Variants in IQCJ observed in about 807,000 individuals in gnomAD.
The protein encoded by IQCJ is IQ motif containing J.
IQCJ carries 9 observed loss-of-function variants against 11.0 expected under a neutral mutation model. That is an observed-to-expected ratio of 0.82 (90% CI 0.49 to 1.43). The LOEUF is 1.43. IQCJ is among the 40% of genes most tolerant of loss of function. The pLI, the probability that IQCJ is intolerant of heterozygous loss-of-function variation, is 0.00. For missense variants in IQCJ, 146 were observed against 133.2 expected, an observed-to-expected ratio of 1.10 and a Z score of -0.47; for synonymous variants, 55 against 51.3, an observed-to-expected ratio of 1.07 and a Z score of -0.31.
intron 1 of IQCJ, among the ~76,000 whole-genome samples, chr3:159,085,333 T>G (rs1055667631): frequency 1.2e-4 from 18 of 151,826 alleles, no homozygotes; most frequent in Admixed American, 3.9e-4. Context: ...GACATTTGGG[T>G]TGGTTCCAAG....
At chr3:159,207,638 G>T (rs1035893081) in intron 1 of IQCJ, among the ~76,000 whole-genome samples, 1 of 152,182 alleles carries the variant, frequency 6.6e-6, no homozygotes, top group Non-Finnish European at 1.5e-5. Flanking sequence ...CGTAGAAGTT[G>T]TAAATAAGAT....
chr3:159,236,187 C>A (rs138156230), intron 1 of IQCJ, among the ~76,000 whole-genome samples: 7 of 148,422 alleles, frequency 4.7e-5, no homozygotes, highest in African/African-American at 1.7e-4. Context: ...TGCAAGGTAA[C>A]TTCCCTGTGT....
At chr3:159,092,915 A>G (rs1247575703) in intron 1 of IQCJ, among the ~76,000 whole-genome samples, 3 of 151,704 alleles carry the variant, frequency 2.0e-5, no homozygotes, top group African/African-American at 7.3e-5. Context: ...TGTACTTTCA[A>G]ATACCTAAAT....
chr3:159,263,033 G>A lies in IQCJ; in HGVS notation c.*302G>A. ...ATTGTGTGGTGCTAATATGATAGAA[G>A]ATAAGATTGGTTATAAGGAGTAGAA... On this transcript the variant is annotated 3_prime_UTR_variant, in exon 4 of 4. Coordinates refer to ENST00000397832, the MANE Select transcript of IQCJ (RefSeq NM_001042706.3). 1 of 1,037,816 alleles carries A rather than the reference G, an allele frequency of 9.6e-7. No homozygotes were observed. 64.3% of individuals were successfully genotyped at this position (1,037,816 alleles called of 1,614,324 possible). A position where few individuals can be genotyped will look rare whatever the true frequency, so the allele number is the denominator to read the frequency against.
intron 3 of IQCJ, among the ~76,000 whole-genome samples, chr3:159,254,000 G>A (rs1481501909): frequency 6.6e-6 from 1 of 152,232 alleles, no homozygotes; most frequent in African/African-American, 2.4e-5. Context: ...TTCTGAACCA[G>A]TGGGGTGCCC....
At chr3:159,092,766 CTG>C (rs1717419347) in intron 1 of IQCJ, among the ~76,000 whole-genome samples, 1 of 147,592 alleles carries the variant, frequency 6.8e-6, no homozygotes, top group African/African-American at 2.6e-5. Context: ...TCAATGTAAA[CTG>C]TTATAAGATA....
At chr3:159,115,139 A>G (rs1718891231) in intron 1 of IQCJ, among the ~76,000 whole-genome samples, 1 of 152,190 alleles carries the variant, frequency 6.6e-6, no homozygotes, top group African/African-American at 2.4e-5. Context: ...TTGCTTGTTG[A>G]CAAGCAATCC....
chr3:159,125,605 T>C (rs545738043), intron 1 of IQCJ, among the ~76,000 whole-genome samples: 1 of 152,348 alleles, frequency 6.6e-6, no homozygotes, highest in African/African-American at 2.4e-5. Context: ...AAAACTGTTC[T>C]AAAAGCTGAA....
intron 1 of IQCJ, among the ~76,000 whole-genome samples, chr3:159,137,654 T>G (rs73027677): frequency 1.3e-5 from 2 of 152,198 alleles, no homozygotes; most frequent in Admixed American, 6.5e-5. Context: ...TATTTAAGTA[T>G]CATGACCATA....
chr3:159,247,811 C>T (rs1194689762), intron 2 of IQCJ, among the ~76,000 whole-genome samples: 1 of 152,132 alleles, frequency 6.6e-6, no homozygotes, highest in African/African-American at 2.4e-5. Context: ...GTTTTTATGG[C>T]TTGCATCATG....
chr3:159,211,749 G>A (rs1724965922), intron 1 of IQCJ, among the ~76,000 whole-genome samples: 1 of 152,084 alleles, frequency 6.6e-6, no homozygotes, highest in South Asian at 2.1e-4. Flanking sequence ...AAAAGCACTG[G>A]TGTGGATCAT....
chr3:159,145,363 T>C (rs1043327500), intron 1 of IQCJ, among the ~76,000 whole-genome samples: 4 of 152,214 alleles, frequency 2.6e-5, no homozygotes, highest in African/African-American at 9.6e-5. Flanking sequence ...CTTCTTCTGT[T>C]TACTGTTAAT....
chr3:159,128,453 G>C (rs1297150851), intron 1 of IQCJ, among the ~76,000 whole-genome samples: 1 of 152,098 alleles, frequency 6.6e-6, no homozygotes, highest in Non-Finnish European at 1.5e-5. Flanking sequence ...CTTTTCCTCT[G>C]TCATTTTCTG....
At chr3:159,259,555 T>C (rs2108230805) in intron 3 of IQCJ, among the ~76,000 whole-genome samples, 1 of 152,344 alleles carries the variant, frequency 6.6e-6, no homozygotes, top group South Asian at 2.1e-4. Context: ...TTCTAAATTT[T>C]ACTTTAGTTC....
intron 1 of IQCJ, among the ~76,000 whole-genome samples, chr3:159,153,179 T>C (rs548493759): frequency 1.1e-4 from 16 of 152,234 alleles, no homozygotes; most frequent in Non-Finnish European, 2.1e-4. Context: ...AAAAATTATG[T>C]AGAATTATAT....
chr3:159,076,745 T>C (rs1715944974), intron 1 of IQCJ, among the ~76,000 whole-genome samples: 1 of 152,072 alleles, frequency 6.6e-6, no homozygotes, highest in African/African-American at 2.4e-5. Flanking sequence ...TAGCATATCA[T>C]TAGGAGCACA....
chr3:159,264,675 G>A (rs1208577899), downstream of IQCJ, among the ~76,000 whole-genome samples: 1 of 152,158 alleles, frequency 6.6e-6, no homozygotes, highest in African/African-American at 2.4e-5. Flanking sequence ...ACTTTGGGAG[G>A]CTGAGGTGGG....
chr3:159,085,827 A>G (rs1322171212), intron 1 of IQCJ, among the ~76,000 whole-genome samples: 2 of 151,348 alleles, frequency 1.3e-5, no homozygotes, highest in Admixed American at 6.6e-5. Context: ...GCCCTTTGTC[A>G]GATGAGTAGG....
intron 1 of IQCJ, among the ~76,000 whole-genome samples, chr3:159,139,384 G>T (rs1345147678): frequency 6.6e-6 from 1 of 152,150 alleles, no homozygotes; most frequent in Admixed American, 6.5e-5. Context: ...TGTTTGCTGT[G>T]AGACTGTGTG....
Sources: allele counts gnomAD v4.1 joint callset (sites outside exome capture counted in the v4.1 genomes callset), GRCh38; gene constraint gnomAD v4.1.1; transcripts MANE v1.5; gene names NCBI Gene and HGNC (gene_info 2026-07-23, HGNC 2026-07-21).